Variants in KDM4C observed in about 807,000 individuals in gnomAD.
KDM4C encodes the protein lysine demethylase 4C.
In KDM4C, 81 loss-of-function variants were observed where a neutral mutation model predicts 129.3. The observed-to-expected ratio is 0.63, with a 90% CI of 0.52 to 0.75. The LOEUF (loss-of-function observed/expected upper bound fraction) is 0.75. KDM4C is among the 30% of genes least tolerant of loss of function. The pLI, the probability that KDM4C is intolerant of heterozygous loss-of-function variation, is 0.00. For missense variants in KDM4C, 1,457 were observed against 1,304.0 expected, an observed-to-expected ratio of 1.12 and a Z score of -1.81; for synonymous variants, 573 against 456.1, an observed-to-expected ratio of 1.26 and a Z score of -3.26.
At chr9:7,123,933 G>A (rs1240952492) in intron 18 of KDM4C, among the ~76,000 whole-genome samples, 2 of 152,184 alleles carry the variant, frequency 1.3e-5, no homozygotes, top group Non-Finnish European at 2.9e-5. Flanking sequence ...CCATGCCAAT[G>A]ACTCAGATAC....
intron 4 of KDM4C, chr9:6,834,992 C>G: frequency 1.0e-6 from 1 of 976,478 alleles, no homozygotes; most frequent in Non-Finnish European, 1.7e-6. Flanking sequence ...GCATCTGGAC[C>G]TGGCTGGCCG....
intron 4 of KDM4C, among the ~76,000 whole-genome samples, chr9:6,830,077 T>C (rs1283214415): frequency 2.0e-5 from 3 of 152,232 alleles, no homozygotes; most frequent in Non-Finnish European, 4.4e-5. Context: ...CAAAATTTTT[T>C]TTAGTGTTTT....
chr9:6,858,284 G>A (rs546973676), intron 5 of KDM4C, among the ~76,000 whole-genome samples: 3 of 151,972 alleles, frequency 2.0e-5, no homozygotes, highest in Non-Finnish European at 4.4e-5. Flanking sequence ...GCTCAGTAAG[G>A]GCGTGTAAAT....
intron 15 of KDM4C, among the ~76,000 whole-genome samples, chr9:7,030,243 A>G (rs1826496053): frequency 6.6e-6 from 1 of 152,182 alleles, no homozygotes; most frequent in Non-Finnish European, 1.5e-5. Flanking sequence ...TTTTTAACCT[A>G]GAGGTGGTGG....
At chr9:7,141,918 C>T (rs969137675) in intron 19 of KDM4C, among the ~76,000 whole-genome samples, 2 of 152,050 alleles carry the variant, frequency 1.3e-5, no homozygotes, top group Non-Finnish European at 2.9e-5. Flanking sequence ...CACTTCATCT[C>T]TAAATGGATG....
rs1831138187 is a variant in KDM4C, at chr9:6,967,192, G to A, written c.922-13733G>A. The stretch of plus-strand genomic sequence containing the variant: ...TAATCCCAGCACTTGGGGAGGCCAA[G>A]GCAGGCGGATCACTTGAGGTCAGGA... On this transcript the variant is annotated intron_variant, in intron 8 of 21. Transcript: ENST00000381309. Among the ~76,000 whole-genome samples, 3 of 152,064 alleles carry A rather than the reference G, an allele frequency of 2.0e-5. No homozygotes were observed. In the South Asian group the frequency reaches 6.2e-4, roughly 32 times the overall value.
chr9:7,158,902 C>T (rs973025326), intron 19 of KDM4C, among the ~76,000 whole-genome samples: 14 of 152,056 alleles, frequency 9.2e-5, no homozygotes, highest in Admixed American at 2.0e-4. Context: ...TCCTTGTTAA[C>T]CTTCTGTCTC....
chr9:7,004,534 C>G (rs540366724), intron 12 of KDM4C, among the ~76,000 whole-genome samples: 3 of 152,164 alleles, frequency 2.0e-5, no homozygotes, highest in East Asian at 3.9e-4. Flanking sequence ...CTGTATATTT[C>G]ATTAATCCTC....
chr9:7,069,112 A>G (rs1298929674), intron 17 of KDM4C, among the ~76,000 whole-genome samples: 1 of 152,192 alleles, frequency 6.6e-6, no homozygotes, highest in Admixed American at 6.5e-5. Context: ...AGTGGCAAGT[A>G]AGATTCAGCA....
chr9:6,770,228 A>G (rs1377694678), intron 1 of KDM4C, among the ~76,000 whole-genome samples: 1 of 151,838 alleles, frequency 6.6e-6, no homozygotes, highest in Non-Finnish European at 1.5e-5. Context: ...AAAAAAAAAA[A>G]GAACCCCGTG....
chr9:7,100,338 GA>G (rs371573589), intron 17 of KDM4C, among the ~76,000 whole-genome samples: 22 of 152,094 alleles, frequency 1.4e-4, no homozygotes, highest in African/African-American at 4.6e-4. Flanking sequence ...TATGCATAAA[GA>G]TTTTTTTTTC....
chr9:7,153,373 C>T (rs1842886891), intron 19 of KDM4C, among the ~76,000 whole-genome samples: 2 of 152,216 alleles, frequency 1.3e-5, no homozygotes, highest in Non-Finnish European at 2.9e-5. Flanking sequence ...TTGCTAAGAG[C>T]TGGCCATTCC....
intron 9 of KDM4C, among the ~76,000 whole-genome samples, chr9:6,983,365 G>A (rs751202596): frequency 1.3e-5 from 2 of 152,148 alleles, no homozygotes; most frequent in African/African-American, 4.8e-5. Context: ...GCTATCAAGT[G>A]ACCTGCTGGA....
intron 15 of KDM4C, among the ~76,000 whole-genome samples, chr9:7,039,889 C>T (rs947900595): frequency 6.6e-6 from 1 of 152,028 alleles, no homozygotes; most frequent in Non-Finnish European, 1.5e-5. Flanking sequence ...TTACATTGTT[C>T]ATGGGTTAGC....
intron 18 of KDM4C, among the ~76,000 whole-genome samples, chr9:7,121,259 G>T (rs1839453763): frequency 6.6e-6 from 1 of 152,192 alleles, no homozygotes; most frequent in African/African-American, 2.4e-5. Context: ...GTCAGCTGCA[G>T]AATAGCTTGT....
At chr9:6,871,426 T>A (rs981626183) in intron 5 of KDM4C, among the ~76,000 whole-genome samples, 1 of 152,194 alleles carries the variant, frequency 6.6e-6, no homozygotes, top group East Asian at 1.9e-4. Context: ...TTAAAAAAAA[T>A]TTATAAAAGA....
chr9:6,747,898 C>T (rs946437568), intron 1 of KDM4C, among the ~76,000 whole-genome samples: 6 of 152,210 alleles, frequency 3.9e-5, no homozygotes, highest in African/African-American at 1.2e-4. Context: ...AGAACAGAGG[C>T]TGGGCGCTGT....
chr9:6,936,188 C>T (rs1383773547), intron 8 of KDM4C, among the ~76,000 whole-genome samples: 1 of 152,070 alleles, frequency 6.6e-6, no homozygotes, highest in African/African-American at 2.4e-5. Flanking sequence ...AAAAAGATAT[C>T]TTGTGATTTC....
intron 18 of KDM4C, among the ~76,000 whole-genome samples, chr9:7,116,989 T>TA (rs1377610347): frequency 6.6e-6 from 1 of 152,212 alleles, no homozygotes; most frequent in Non-Finnish European, 1.5e-5. Flanking sequence ...CTTTTATAGT[T>TA]ACACGTAGTA....
Sources: gnomAD v4.1 joint callset for allele counts (sites outside exome capture counted in the v4.1 genomes callset) on GRCh38, gnomAD v4.1.1 for gene constraint, MANE v1.5 for transcripts, NCBI Gene and HGNC (gene_info 2026-07-23, HGNC 2026-07-21) for gene names.